The following GNAO1 variants were observed in gnomAD, a reference collection of about 807,000 sequenced individuals.
GNAO1 encodes the protein guanine nucleotide-binding protein G(o) subunit alpha.
For synonymous variants in GNAO1, 164 were observed against 180.7 expected (o/e 0.91, Z 0.74); for missense variants, 166 against 478.7 (o/e 0.35, Z 6.10).
At chr16:56,211,380 A>C (rs1171658056) in intron 2 of GNAO1, among the ~76,000 whole-genome samples, 2 of 152,144 alleles carry the variant, frequency 1.3e-5, no homozygotes, top group East Asian at 1.9e-4. Context: ...TGCCTTCTGC[A>C]TTTGAGCATA....
intron 6 of GNAO1, chr16:56,344,443 G>A: frequency 1.0e-6 from 1 of 1,002,134 alleles, no homozygotes; most frequent in Non-Finnish European, 1.2e-6. Flanking sequence ...GTGGGATCAG[G>A]CCAACTTGGT....
chr16:56,238,453 C>CACAG (rs1203087719), intron 2 of GNAO1, among the ~76,000 whole-genome samples: 5 of 152,218 alleles, frequency 3.3e-5, no homozygotes, highest in Non-Finnish European at 7.3e-5. Context: ...AGCACATGAC[C>CACAG]ACAGCACCAC....
At chr16:56,350,246 CTCT>C (rs2037908412) in intron 6 of GNAO1, among the ~76,000 whole-genome samples, 1 of 152,168 alleles carries the variant, frequency 6.6e-6, no homozygotes, top group Non-Finnish European at 1.5e-5. Context: ...ACTTGTGTCA[CTCT>C]TCTTATTTCA....
At chr16:56,221,948 A>G (rs2036493178) in intron 2 of GNAO1, among the ~76,000 whole-genome samples, 1 of 152,082 alleles carries the variant, frequency 6.6e-6, no homozygotes, top group Admixed American at 6.5e-5. Context: ...TAGCCATCCA[A>G]CCCCAGTGCT....
chr16:56,218,417 C>T (rs1465829612), intron 2 of GNAO1, among the ~76,000 whole-genome samples: 4 of 152,284 alleles, frequency 2.6e-5, no homozygotes, highest in Middle Eastern at 3.4e-3. Context: ...CCAAGTGGAG[C>T]ACACGTGCCC....
chr16:56,231,968 G>C (rs542940715), intron 2 of GNAO1, among the ~76,000 whole-genome samples: 2 of 152,162 alleles, frequency 1.3e-5, no homozygotes, highest in Non-Finnish European at 2.9e-5. Flanking sequence ...AGATCAGAGA[G>C]AGAAAGAGAA....
At chr16:56,246,512 G>T (rs1184736705) in intron 2 of GNAO1, among the ~76,000 whole-genome samples, 1 of 152,200 alleles carries the variant, frequency 6.6e-6, no homozygotes, top group Non-Finnish European at 1.5e-5. Context: ...ATCAAGTTCA[G>T]TGTCTCCTGG....
chr16:56,276,902 C>T (rs1444513150), intron 3 of GNAO1: 1 of 152,158 alleles, frequency 6.6e-6, no homozygotes, highest in East Asian at 1.9e-4. Context: ...CCTCCAAGCA[C>T]CTGGGCTCTG....
At chr16:56,210,444 C>G (rs1179610969) in intron 2 of GNAO1, among the ~76,000 whole-genome samples, 1 of 152,176 alleles carries the variant, frequency 6.6e-6, no homozygotes, top group Admixed American at 6.5e-5. Context: ...AGCACAATTG[C>G]TGGATTGTGT....
chr16:56,232,661 G>A (rs1252829085), intron 2 of GNAO1, among the ~76,000 whole-genome samples: 1 of 152,150 alleles, frequency 6.6e-6, no homozygotes, highest in East Asian at 1.9e-4. Context: ...AGACCCAACA[G>A]ACCACTCACA....
rs1027343247 is a variant in GNAO1, at chr16:56,192,107, G to A, written c.-129G>A. On this transcript the variant is annotated 5_prime_UTR_variant, in exon 1 of 9. Transcript: ENST00000262493. ...TGGTTTCCCGACATTTTTGTTTCCA[G>A]CCCAGGAGAGGATATCGTGATTTTC... 3.1e-5 allele frequency: 19 copies of A among 619,570 alleles called. No homozygotes were observed. The African/African-American group carries it at 3.1e-4, about 10-fold the overall frequency. 38.4% of individuals were successfully genotyped at this position (619,570 alleles called of 1,614,324 possible).
At chr16:56,194,318 A>G (rs1428026368) in intron 2 of GNAO1, 2 of 456,120 alleles carry the variant, frequency 4.4e-6, no homozygotes, top group Non-Finnish European at 8.8e-6. Flanking sequence ...TGCATGTTGC[A>G]TCTGTCTGGA....
At chr16:56,224,255 A>G (rs1285374456) in intron 2 of GNAO1, among the ~76,000 whole-genome samples, 1 of 152,186 alleles carries the variant, frequency 6.6e-6, no homozygotes, top group Non-Finnish European at 1.5e-5. Flanking sequence ...CGTCAGGCAG[A>G]GGAGCTCAGT....
intron 3 of GNAO1, among the ~76,000 whole-genome samples, chr16:56,304,595 T>C (rs1244161790): frequency 3.3e-5 from 5 of 151,958 alleles, no homozygotes; most frequent in African/African-American, 9.7e-5. Flanking sequence ...GTTTACAACT[T>C]TTTTTTTAAT....
At chr16:56,344,255 G>T in intron 6 of GNAO1, 1 of 1,325,292 alleles carries the variant, frequency 7.5e-7, no homozygotes, top group Non-Finnish European at 9.7e-7. Flanking sequence ...GGCCCAGATG[G>T]GCACACCCTG....
At chr16:56,255,732 G>A (rs1393049365) in intron 2 of GNAO1, 2 of 152,018 alleles carry the variant, frequency 1.3e-5, no homozygotes, top group African/African-American at 2.4e-5. Flanking sequence ...CTCTCAGTTT[G>A]TTTTTCTACT....
chr16:56,263,217 T>G (rs148021027), intron 2 of GNAO1, among the ~76,000 whole-genome samples: 173 of 152,296 alleles, frequency 1.1e-3, no homozygotes, highest in African/African-American at 4.0e-3. Context: ...TGGAGAGAGA[T>G]ATGTCCATCT....
chr16:56,214,255 A>G (rs1277820938), intron 2 of GNAO1, among the ~76,000 whole-genome samples: 1 of 152,208 alleles, frequency 6.6e-6, no homozygotes, highest in Non-Finnish European at 1.5e-5. Context: ...GCTCTCCCAT[A>G]TCAGCATTAC....
chr16:56,192,640 T>G, intron 2 of GNAO1, 24 bp downstream of exon 2: 1 of 1,449,844 alleles, frequency 6.9e-7, no homozygotes, highest in Non-Finnish European at 9.7e-7. Context: ...GCATTGGGAT[T>G]CGTACTTTTA....
Sources: allele counts gnomAD v4.1 joint callset (sites outside exome capture counted in the v4.1 genomes callset), GRCh38; gene constraint gnomAD v4.1.1; transcripts MANE v1.5; gene names NCBI Gene and HGNC (gene_info 2026-07-23, HGNC 2026-07-21).